The following GNG4 variants were observed in gnomAD, a reference collection of about 807,000 sequenced individuals.
The protein encoded by GNG4 is G protein subunit gamma 4.
GNG4 carries 4 observed loss-of-function variants against 5.8 expected under a neutral mutation model. The observed-to-expected ratio is 0.69, with a 90% CI of 0.34 to 1.57. The LOEUF is 1.57. GNG4 is among the 40% of genes most tolerant of loss of function. GNG4 has a pLI of 0.06. For synonymous variants in GNG4, 29 were observed against 32.9 expected (o/e 0.88, Z 0.41); for missense variants, 96 against 95.1 (o/e 1.01, Z -0.04).
chr1:235,592,908 T>C (rs1334648129), intron 2 of GNG4, among the ~76,000 whole-genome samples: 2 of 151,766 alleles, frequency 1.3e-5, no homozygotes, highest in Non-Finnish European at 2.9e-5. Context: ...TATCTGGTCT[T>C]ACCACGCTGG....
chr1:235,647,771 A>G (rs1398617245), intron 1 of GNG4, among the ~76,000 whole-genome samples: 1 of 152,192 alleles, frequency 6.6e-6, no homozygotes, highest in Non-Finnish European at 1.5e-5. Context: ...AGTAGCTGGG[A>G]TTACAGGCGT....
chr1:235,572,788 C>A (rs1307948930), intron 3 of GNG4, among the ~76,000 whole-genome samples: 2 of 151,956 alleles, frequency 1.3e-5, no homozygotes, highest in African/African-American at 4.9e-5. Context: ...GCGTGAGCCA[C>A]CATGCCGGGT....
At chr1:235,602,026 C>A (rs150365860) in intron 1 of GNG4, among the ~76,000 whole-genome samples, 3,672 of 152,274 alleles carry the variant, frequency 0.024, 92 homozygotes, top group African/African-American at 0.066. Context: ...AATCCCAGCA[C>A]TTTGGGAGGC....
At chr1:235,581,390 G>A (rs1011769007) in intron 3 of GNG4, among the ~76,000 whole-genome samples, 6 of 151,884 alleles carry the variant, frequency 4.0e-5, no homozygotes, top group African/African-American at 7.3e-5. Flanking sequence ...TTAGCCGGGC[G>A]TGGTGGTGGG....
chr1:235,604,315 GA>G (rs1265648301), intron 1 of GNG4, among the ~76,000 whole-genome samples: 1 of 152,220 alleles, frequency 6.6e-6, no homozygotes, highest in African/African-American at 2.4e-5. Context: ...CCACACGGGG[GA>G]CGAAAAGGTA....
chr1:235,635,562 G>T (rs1689017252), intron 1 of GNG4, among the ~76,000 whole-genome samples: 1 of 152,138 alleles, frequency 6.6e-6, no homozygotes, highest in Admixed American at 6.5e-5. Context: ...TGAGTCATGG[G>T]GGTGGAGCCC....
chr1:235,597,175 G>T (rs564795799), intron 1 of GNG4, among the ~76,000 whole-genome samples: 1 of 152,322 alleles, frequency 6.6e-6, no homozygotes, highest in East Asian at 1.9e-4. Flanking sequence ...TTCCCCAAGG[G>T]TTTTCCGAAT....
chr1:235,596,151 GTGAC>G (rs1307177444), intron 1 of GNG4, among the ~76,000 whole-genome samples: 1 of 151,100 alleles, frequency 6.6e-6, no homozygotes, highest in Non-Finnish European at 1.5e-5. Context: ...TCCAGCCTGG[GTGAC>G]AGAGCGAGAC....
chr1:235,613,541 G>C (rs1361320167), intron 1 of GNG4, among the ~76,000 whole-genome samples: 2 of 152,162 alleles, frequency 1.3e-5, no homozygotes, highest in Non-Finnish European at 2.9e-5. Flanking sequence ...GTCAGTCAGA[G>C]AGAGAGATGA....
intron 3 of GNG4, among the ~76,000 whole-genome samples, chr1:235,570,394 CTTTTT>C (rs11459490): frequency 4.7e-5 from 5 of 105,556 alleles, no homozygotes; most frequent in African/African-American, 7.6e-5. Context: ...TTCACCTCTT[CTTTTT>C]TTTTTTTTTT....
intron 1 of GNG4, among the ~76,000 whole-genome samples, chr1:235,596,793 A>G (rs566426710): frequency 1.3e-5 from 2 of 152,036 alleles, no homozygotes; most frequent in South Asian, 4.2e-4. Context: ...TGGAAAAATC[A>G]CGGCTCACTG....
intron 2 of GNG4, among the ~76,000 whole-genome samples, chr1:235,592,372 G>A (rs1478535828): frequency 6.6e-6 from 1 of 151,998 alleles, no homozygotes; most frequent in Non-Finnish European, 1.5e-5. Context: ...AGCCAGGCAT[G>A]GTGGCACGTG....
intron 3 of GNG4, among the ~76,000 whole-genome samples, chr1:235,582,710 G>T (rs1687666943): frequency 6.6e-6 from 1 of 152,158 alleles, no homozygotes; most frequent in African/African-American, 2.4e-5. Flanking sequence ...ATTTGCAGTT[G>T]GTATCGGTAT....
intron 2 of GNG4, among the ~76,000 whole-genome samples, chr1:235,589,743 G>T (rs1170747553): frequency 6.6e-6 from 1 of 152,222 alleles, no homozygotes; most frequent in African/African-American, 2.4e-5. Flanking sequence ...ACCTTGAGTT[G>T]TGTTTGCAGC....
chr1:235,553,382 G>A lies in GNG4; in HGVS notation c.100-1145C>T, dbSNP rs535356136. On this transcript the variant is annotated intron_variant, in intron 3 of 3. Coordinates refer to ENST00000391854, the MANE Select transcript of GNG4 (RefSeq NM_001098722.2). ...GTTCTGCCTGCGAGTATTTATTAGC[G>A]GATTACAGGCAGGGGTAAATACATA... 1.2e-4 allele frequency among the ~76,000 whole-genome samples: 18 copies of A among 152,240 alleles called. No individual in the cohort carries two copies. The East Asian group carries it at 1.4e-3, about 11-fold the overall frequency.
At chr1:235,607,638 C>T (rs542498933) in intron 1 of GNG4, among the ~76,000 whole-genome samples, 4 of 152,366 alleles carry the variant, frequency 2.6e-5, no homozygotes, top group African/African-American at 7.2e-5. Context: ...AGAATGAGTT[C>T]GCAGCAGTTC....
At chr1:235,614,408 T>C (rs1688544290) in intron 1 of GNG4, among the ~76,000 whole-genome samples, 1 of 152,238 alleles carries the variant, frequency 6.6e-6, no homozygotes, top group East Asian at 1.9e-4. Context: ...TTTATTATTC[T>C]ATATTATTTC....
intron 1 of GNG4, among the ~76,000 whole-genome samples, chr1:235,617,420 TG>T (rs1326084362): frequency 6.6e-6 from 1 of 152,162 alleles, no homozygotes; most frequent in East Asian, 1.9e-4. Context: ...GGTATTGATT[TG>T]GGGGCAGCAC....
chr1:235,641,738 T>G (rs1345989931), intron 1 of GNG4, among the ~76,000 whole-genome samples: 2 of 152,092 alleles, frequency 1.3e-5, no homozygotes, highest in African/African-American at 2.4e-5. Flanking sequence ...CACTTTCACC[T>G]GTTGGCTCCA....
Sources: allele counts gnomAD v4.1 joint callset (sites outside exome capture counted in the v4.1 genomes callset), GRCh38; gene constraint gnomAD v4.1.1; transcripts MANE v1.5; gene names NCBI Gene and HGNC (gene_info 2026-07-23, HGNC 2026-07-21).